The following CNTNAP2 variants were observed in gnomAD, a reference collection of about 807,000 sequenced individuals.
CNTNAP2 encodes contactin-associated protein-like 2.
CNTNAP2 carries 98 observed loss-of-function variants against 155.2 expected under a neutral mutation model. The ratio of observed to expected loss-of-function variants is 0.63; its 90% CI spans 0.54 to 0.75. The LOEUF (loss-of-function observed/expected upper bound fraction) is 0.75. Ranked by LOEUF, CNTNAP2 falls within the 30% of genes least tolerant of loss-of-function variation. CNTNAP2 has a pLI of 0.00. For missense variants in CNTNAP2, 1,727 were observed against 1,688.1 expected (o/e 1.02, Z -0.40); for synonymous variants, 651 against 631.2 (o/e 1.03, Z -0.47).
At position 146,960,395 on chromosome 7, in the gene CNTNAP2, G is replaced by A. The variant is rs552750769; in HGVS notation, c.403-83512G>A. Among the ~76,000 whole-genome samples the A allele has an allele frequency of 9.2e-5, 14 of 152,290 alleles. No homozygotes were observed. The South Asian group carries it at 1.4e-3, about 16-fold the overall frequency. On this transcript the variant is annotated intron_variant, in intron 3 of 23. Transcript: ENST00000361727. Reference sequence around the variant, plus strand: ...GAGGCCAGTTAGGAATTGGACAATCGTCTTAAGCAGGCTCTGGGTTTCCTG... The same window carrying A: ...GAGGCCAGTTAGGAATTGGACAATCATCTTAAGCAGGCTCTGGGTTTCCTG...
At chr7:146,953,747 A>C (rs978226963) in intron 3 of CNTNAP2, among the ~76,000 whole-genome samples, 1 of 151,986 alleles carries the variant, frequency 6.6e-6, no homozygotes, top group African/African-American at 2.4e-5. Context: ...AGACAAAGCT[A>C]GCAAATGCCG....
At chr7:148,095,591 T>C (rs901656472) in intron 15 of CNTNAP2, among the ~76,000 whole-genome samples, 1 of 152,250 alleles carries the variant, frequency 6.6e-6, no homozygotes, top group Non-Finnish European at 1.5e-5. Context: ...GCTAGGGTTA[T>C]GGCTCAGCAA....
intron 21 of CNTNAP2, among the ~76,000 whole-genome samples, chr7:148,346,512 C>G (rs1244475668): frequency 6.6e-6 from 1 of 152,166 alleles, no homozygotes; most frequent in Non-Finnish European, 1.5e-5. Context: ...TGGCTCATGC[C>G]TTTAATCCCA....
intron 1 of CNTNAP2, among the ~76,000 whole-genome samples, chr7:146,582,732 A>G (rs1003897532): frequency 6.6e-6 from 1 of 152,130 alleles, no homozygotes; most frequent in Non-Finnish European, 1.5e-5. Flanking sequence ...CTATTTTCAT[A>G]GATTTCACCT....
At chr7:147,127,912 T>C (rs1409685146) in intron 6 of CNTNAP2, among the ~76,000 whole-genome samples, 1 of 152,198 alleles carries the variant, frequency 6.6e-6, no homozygotes, top group Non-Finnish European at 1.5e-5. Flanking sequence ...AATATCATCC[T>C]TGACCATGCA....
At chr7:146,405,766 T>C (rs1257272321) in intron 1 of CNTNAP2, among the ~76,000 whole-genome samples, 1 of 152,220 alleles carries the variant, frequency 6.6e-6, no homozygotes, top group Non-Finnish European at 1.5e-5. Context: ...ACCAAAATCA[T>C]TTTAACATTT....
chr7:146,391,264 C>T (rs1180247037), intron 1 of CNTNAP2, among the ~76,000 whole-genome samples: 1 of 151,538 alleles, frequency 6.6e-6, no homozygotes, highest in Non-Finnish European at 1.5e-5. Context: ...GGTGAGTAAC[C>T]AATAAACAAA....
chr7:146,753,978 T>C (rs1292712595), intron 1 of CNTNAP2, among the ~76,000 whole-genome samples: 3 of 152,042 alleles, frequency 2.0e-5, no homozygotes, highest in South Asian at 4.1e-4. Context: ...TATTTCTACA[T>C]CTATTTTTTA....
At chr7:147,391,069 A>G (rs529014730) in intron 9 of CNTNAP2, among the ~76,000 whole-genome samples, 10 of 152,256 alleles carry the variant, frequency 6.6e-5, no homozygotes, top group African/African-American at 2.2e-4. Flanking sequence ...TAGTCACTCA[A>G]GTACCACTTC....
chr7:146,439,602 A>G lies in CNTNAP2; in HGVS notation c.97+322629A>G, dbSNP rs193245363. Among the ~76,000 whole-genome samples the G allele has an allele frequency of 2.5e-3, 384 of 151,686 alleles. 2 individuals carry two copies. The highest frequency in any genetic ancestry group is 4.1e-3 in the Non-Finnish European group (282 of 68,014). ...TCCAGAAGCCCCCAAACAAAATGCC[A>G]TCTGCATCTACTTCTTCATATTTGA... On this transcript the variant is annotated intron_variant, in intron 1 of 23. Transcript: ENST00000361727.
chr7:146,933,846 A>T (rs890078386), intron 3 of CNTNAP2, among the ~76,000 whole-genome samples: 21 of 152,330 alleles, frequency 1.4e-4, no homozygotes, highest in African/African-American at 4.6e-4. Flanking sequence ...AAAAATGCTC[A>T]CCATCACTGG....
At position 148,383,813 on chromosome 7, in the gene CNTNAP2, T is replaced by C; in HGVS notation, c.3640T>C (p.Cys1214Arg). The change falls in exon 22 of 24, where the codon TGC becomes CGC. Residue 1214 changes from cysteine (C) to arginine (R), a missense_variant. Coordinates refer to ENST00000361727, the MANE Select transcript of CNTNAP2 (RefSeq NM_014141.6). Reference sequence around the variant, plus strand: ...CCAGGGCGAGCTGGTGGAGTCCAACTGCGGGGCCTCGCCGCTGACCCTCTC... The same window carrying C: ...CCAGGGCGAGCTGGTGGAGTCCAACCGCGGGGCCTCGCCGCTGACCCTCTC... ...HIQGELVESN[C>R]GASPLTLSPM... is the part of the protein sequence containing the mutation. 6.2e-7 allele frequency: 1 copy of C among 1,614,146 alleles called. No homozygotes were observed. The highest frequency in any genetic ancestry group is 8.5e-7 in the Non-Finnish European group (1 of 1,180,038).
chr7:146,506,134 G>T (rs1797380724), intron 1 of CNTNAP2, among the ~76,000 whole-genome samples: 1 of 152,174 alleles, frequency 6.6e-6, no homozygotes, highest in South Asian at 2.1e-4. Flanking sequence ...GTGTTGCAGG[G>T]CCTGAATTGT....
intron 1 of CNTNAP2, among the ~76,000 whole-genome samples, chr7:146,326,779 C>A (rs1412278138): frequency 6.6e-6 from 1 of 152,172 alleles, no homozygotes; most frequent in East Asian, 1.9e-4. Flanking sequence ...AATTTACTAT[C>A]ACCTTTGTGA....
chr7:148,015,398 G>A (rs1268591063), intron 15 of CNTNAP2, among the ~76,000 whole-genome samples: 1 of 152,172 alleles, frequency 6.6e-6, no homozygotes, highest in Admixed American at 6.5e-5. Flanking sequence ...CTGCAGTGAA[G>A]GCCGCACAGT....
intron 21 of CNTNAP2, among the ~76,000 whole-genome samples, chr7:148,370,575 G>A (rs1041036525): frequency 6.6e-5 from 10 of 152,050 alleles, no homozygotes; most frequent in South Asian, 2.1e-4. Flanking sequence ...CCCCTCTTCC[G>A]CACAGTGCCA....
intron 18 of CNTNAP2, among the ~76,000 whole-genome samples, chr7:148,193,804 ACT>A (rs2116721059): frequency 6.6e-6 from 1 of 150,410 alleles, no homozygotes; most frequent in South Asian, 2.1e-4. Context: ...CATCACAAAC[ACT>A]CTCCATCCCA....
intron 19 of CNTNAP2, among the ~76,000 whole-genome samples, 190 bp from the exon 20 acceptor site, chr7:148,229,456 C>T (rs1795919159): frequency 6.6e-6 from 1 of 151,902 alleles, no homozygotes; most frequent in Admixed American, 6.6e-5. Context: ...ACCTGGGAGG[C>T]AGAGGTTGCA....
At chr7:147,639,843 G>A (rs888242395) in intron 13 of CNTNAP2, among the ~76,000 whole-genome samples, 1 of 152,144 alleles carries the variant, frequency 6.6e-6, no homozygotes, top group African/African-American at 2.4e-5. Context: ...GTGTGCACAT[G>A]CAAACACACA....
Sources: gnomAD v4.1 joint callset for allele counts (sites outside exome capture counted in the v4.1 genomes callset) on GRCh38, gnomAD v4.1.1 for gene constraint, MANE v1.5 for transcripts, NCBI Gene and HGNC (gene_info 2026-07-23, HGNC 2026-07-21) for gene names.